The following CORO7 variants were observed in gnomAD, a reference collection of about 807,000 sequenced individuals.
The protein encoded by CORO7 is coronin 7, also known as coronin-7.
Under a neutral mutation model 126.6 loss-of-function variants are expected in CORO7, and 107 were observed. That is an observed-to-expected ratio of 0.85 (90% CI 0.72 to 0.99). The LOEUF is 0.99. Ranked by LOEUF, CORO7 falls within the 50% of genes least tolerant of loss-of-function variation. The pLI is 0.00. For missense variants in CORO7, 1,314 were observed against 1,255.8 expected, an observed-to-expected ratio of 1.05 and a Z score of -0.70; for synonymous variants, 603 against 536.8, an observed-to-expected ratio of 1.12 and a Z score of -1.70.
At chr16:4,361,606 C>A in intron 16 of CORO7, 137 bp from the exon 17 acceptor site, 1 of 1,051,896 alleles carries the variant, frequency 9.5e-7, no homozygotes, top group South Asian at 1.4e-5. Context: ...CCCAAGCTCT[C>A]TGCCCTGACC....
At chr16:4,376,650 G>A (rs1207429464) in intron 9 of CORO7, among the ~76,000 whole-genome samples, 3 of 152,156 alleles carry the variant, frequency 2.0e-5, no homozygotes, top group Non-Finnish European at 4.4e-5. Context: ...GACCCTGGGC[G>A]TGTGTGGTGT....
intron 6 of CORO7, among the ~76,000 whole-genome samples, chr16:4,397,777 C>G (rs2055653689): frequency 6.6e-6 from 1 of 151,932 alleles, no homozygotes; most frequent in African/African-American, 2.4e-5. Context: ...CCACGCCAGG[C>G]TAATTTTTTG....
chr16:4,401,479 C>T (rs1391881911), intron 6 of CORO7, among the ~76,000 whole-genome samples: 1 of 152,184 alleles, frequency 6.6e-6, no homozygotes, highest in East Asian at 1.9e-4. Flanking sequence ...GCCAGGCGGG[C>T]ACCAGGTACA....
At chr16:4,360,070 T>C (rs907535253) in intron 21 of CORO7, among the ~76,000 whole-genome samples, 2 of 144,510 alleles carry the variant, frequency 1.4e-5, no homozygotes, top group African/African-American at 5.1e-5. Context: ...CGCCCATCTA[T>C]CCCCACATTC....
At chr16:4,357,946 C>T (rs761530558) in intron 25 of CORO7, 22 bp downstream of exon 25, 3 of 1,585,728 alleles carry the variant, frequency 1.9e-6, no homozygotes, top group Non-Finnish European at 2.6e-6. Flanking sequence ...GCTTCCTCCC[C>T]ACACCCAGTC....
Position 4,355,025 on chromosome 16 carries a change from GC to G in CORO7, c.*132del. ...CCAGAGGCCCAGAGGATGTGGAAGTGCCCACGGGAAGGCAGGAGTGCAGGGG... is the reference window on the plus strand; with the variant it reads ...CCAGAGGCCCAGAGGATGTGGAAGTGCCACGGGAAGGCAGGAGTGCAGGGG... On this transcript the variant is annotated 3_prime_UTR_variant, in exon 28 of 28. Coordinates refer to ENST00000251166, the MANE Select transcript of CORO7 (RefSeq NM_024535.5). The G allele has an allele frequency of 1.0e-6, 1 of 1,003,710 alleles. No individual in the cohort carries two copies. Among genetic ancestry groups the G allele is most frequent in the Non-Finnish European group, 1.4e-6 (1 of 718,104 alleles). The allele number at this position is 1,003,710 out of a possible 1,614,324, so 62.2% of individuals were successfully genotyped here.
intron 7 of CORO7, among the ~76,000 whole-genome samples, chr16:4,393,689 T>C (rs1452554766): frequency 1.3e-5 from 2 of 152,122 alleles, no homozygotes; most frequent in Non-Finnish European, 2.9e-5. Context: ...GGAGGGGGTA[T>C]CTATGATGGG....
chr16:4,399,909 G>C (rs1235853963), intron 6 of CORO7, among the ~76,000 whole-genome samples: 1 of 152,058 alleles, frequency 6.6e-6, no homozygotes, highest in African/African-American at 2.4e-5. Flanking sequence ...ATAGCTATTA[G>C]CCCACAAAAA....
intron 5 of CORO7, among the ~76,000 whole-genome samples, chr16:4,407,136 C>T (rs571748920): frequency 1.9e-3 from 285 of 150,860 alleles, no homozygotes; most frequent in African/African-American, 6.3e-3. Flanking sequence ...TTAGTAGAGA[C>T]GGGGTTTTGC....
At chr16:4,387,899 C>T in intron 9 of CORO7, 87 bp downstream of exon 9, 2 of 1,536,138 alleles carry the variant, frequency 1.3e-6, no homozygotes, top group South Asian at 2.3e-5. Flanking sequence ...GATCAGCCCG[C>T]CTCACTGACA....
intron 9 of CORO7, among the ~76,000 whole-genome samples, chr16:4,371,269 T>G (rs1225914165): frequency 6.6e-6 from 1 of 152,338 alleles, no homozygotes; most frequent in Non-Finnish European, 1.5e-5. Flanking sequence ...AAGAGGACCC[T>G]GAGCTCAGAT....
At chr16:4,385,208 G>A (rs929066377) in intron 9 of CORO7, among the ~76,000 whole-genome samples, 1 of 152,176 alleles carries the variant, frequency 6.6e-6, no homozygotes, top group Non-Finnish European at 1.5e-5. Context: ...TGGGCCATGT[G>A]GGTGACACAT....
At chr16:4,358,316 C>T (rs778885118) in intron 24 of CORO7, 51 bp downstream of exon 24, 4 of 1,596,432 alleles carry the variant, frequency 2.5e-6, no homozygotes, top group Admixed American at 1.8e-5. Context: ...AAACTCCCCT[C>T]TAGGCACCGA....
At chr16:4,391,821 G>A (rs2055403085) in intron 7 of CORO7, among the ~76,000 whole-genome samples, 1 of 152,232 alleles carries the variant, frequency 6.6e-6, no homozygotes, top group Admixed American at 6.5e-5. Context: ...CTGGGACCCA[G>A]GCATCCTGCT....
At position 4,416,589 on chromosome 16, in the gene CORO7, C is replaced by G; in HGVS notation, c.-71G>C. 6.5e-7 allele frequency: 1 copy of G among 1,537,240 alleles called. No individual in the cohort carries two copies. The highest frequency in any genetic ancestry group is 2.7e-5 in the East Asian group (1 of 37,274). On this transcript the variant is annotated 5_prime_UTR_variant, in exon 1 of 28. Coordinates refer to ENST00000251166, the MANE Select transcript of CORO7 (RefSeq NM_024535.5). ...CGGGTCTCAGGTGCACGCTGAGCAACCGCGACTCCCGCTGCCTCGGCCCCA... is the reference window on the plus strand; with the variant it reads ...CGGGTCTCAGGTGCACGCTGAGCAAGCGCGACTCCCGCTGCCTCGGCCCCA...
chr16:4,361,295 TG>T, intron 17 of CORO7, 47 bp from the exon 18 acceptor site: 1 of 1,610,874 alleles, frequency 6.2e-7, no homozygotes, highest in Middle Eastern at 1.7e-4. Flanking sequence ...CCAAGACCTC[TG>T]GGCTCCCCAG....
At chr16:4,369,857 G>A (rs970716489) in intron 9 of CORO7, among the ~76,000 whole-genome samples, 1 of 151,680 alleles carries the variant, frequency 6.6e-6, no homozygotes, top group Non-Finnish European at 1.5e-5. Flanking sequence ...CACCCCCACA[G>A]CCCCTAGCTC....
intron 7 of CORO7, among the ~76,000 whole-genome samples, chr16:4,392,448 G>T (rs1192208491): frequency 1.3e-5 from 2 of 152,194 alleles, no homozygotes; most frequent in African/African-American, 4.8e-5. Flanking sequence ...ACCAAGCATG[G>T]GTGTGAGGAG....
intron 9 of CORO7, 49 bp downstream of exon 9, chr16:4,387,937 C>T (rs779537391): frequency 1.5e-5 from 24 of 1,604,814 alleles, no homozygotes; most frequent in South Asian, 1.0e-4. Flanking sequence ...TCACCTGCGG[C>T]GCCTTGGGTC....
Sources: gnomAD v4.1 joint callset for allele counts (sites outside exome capture counted in the v4.1 genomes callset) on GRCh38, gnomAD v4.1.1 for gene constraint, MANE v1.5 for transcripts, NCBI Gene and HGNC (gene_info 2026-07-23, HGNC 2026-07-21) for gene names.